PDE7A: variants seen among roughly 807,000 people sequenced by gnomAD.
The protein encoded by PDE7A is phosphodiesterase 7A.
Under a neutral mutation model 64.3 loss-of-function variants are expected in PDE7A, and 39 were observed. The observed-to-expected ratio is 0.61, with a 90% CI of 0.47 to 0.79. PDE7A has a LOEUF of 0.79. Ranked by LOEUF, PDE7A falls within the 30% of genes least tolerant of loss-of-function variation. The pLI is 0.00. For missense variants in PDE7A, 470 were observed against 582.8 expected, an observed-to-expected ratio of 0.81 and a Z score of 1.99; for synonymous variants, 203 against 206.8, an observed-to-expected ratio of 0.98 and a Z score of 0.16.
rs144083838 is a variant in PDE7A at position 65,812,507 on chromosome 8, A to C, written c.138+28864T>G. Among the ~76,000 whole-genome samples the C allele has an allele frequency of 2.4e-4, 37 of 152,304 alleles. No individual in the cohort carries two copies. In the East Asian group the frequency reaches 6.6e-3, roughly 27 times the overall value. On this transcript the variant is annotated intron_variant, in intron 1 of 12. Transcript: ENST00000401827. Reference sequence around the variant, plus strand: ...ACACAACAATGGAAGTATTATCTTGAAGTAGTAAGGAGAATATTCTAAGCA... The same window carrying C: ...ACACAACAATGGAAGTATTATCTTGCAGTAGTAAGGAGAATATTCTAAGCA...
At chr8:65,835,960 T>C (rs947407947) in intron 1 of PDE7A, among the ~76,000 whole-genome samples, 1 of 152,214 alleles carries the variant, frequency 6.6e-6, no homozygotes, top group Non-Finnish European at 1.5e-5. Context: ...TGAGCATGTA[T>C]CTGAAATATA....
intron 1 of PDE7A, among the ~76,000 whole-genome samples, chr8:65,784,362 G>A (rs1563506378): frequency 6.6e-6 from 1 of 152,132 alleles, no homozygotes; most frequent in African/African-American, 2.4e-5. Flanking sequence ...ATCTGTGGAG[G>A]AAATACTGAT....
intron 1 of PDE7A, among the ~76,000 whole-genome samples, chr8:65,814,157 A>T (rs1259441004): frequency 2.0e-5 from 3 of 152,204 alleles, no homozygotes; most frequent in African/African-American, 7.2e-5. Flanking sequence ...TTATACTGAT[A>T]TAAAGATGTG....
chr8:65,801,243 A>G (rs1175396801), intron 1 of PDE7A, among the ~76,000 whole-genome samples: 7 of 152,326 alleles, frequency 4.6e-5, no homozygotes, highest in African/African-American at 2.4e-5. Context: ...AAAGTCTCTA[A>G]GAATACTTCC....
In PDE7A at chr8:65,799,310, T is replaced by G. The variant is rs187546310; in HGVS notation, c.139-16467A>C. On this transcript the variant is annotated intron_variant, in intron 1 of 12. Coordinates refer to ENST00000401827, the MANE Select transcript of PDE7A (RefSeq NM_001242318.3). ...AAATTTAGCATAATTACTAATAGAA[T>G]TTAAAGTTAAATTGGGAGCAACAAG... is the stretch of plus-strand genomic sequence containing the variant. Among the ~76,000 whole-genome samples the G allele has an allele frequency of 4.8e-3, 724 of 151,940 alleles. 7 individuals carry two copies. Among genetic ancestry groups the G allele is most frequent in the Non-Finnish European group, 7.8e-3 (533 of 67,976 alleles).
At chr8:65,731,986 A>ATTATTG (rs1057343677) in intron 7 of PDE7A, among the ~76,000 whole-genome samples, 5 of 138,666 alleles carry the variant, frequency 3.6e-5, no homozygotes, top group African/African-American at 5.5e-5. Context: ...TATTATTATT[A>ATTATTG]TTGTTGTTGT....
At chr8:65,832,198 A>G (rs78969721) in intron 1 of PDE7A, among the ~76,000 whole-genome samples, 8,739 of 152,288 alleles carry the variant, frequency 0.057, 361 homozygotes, top group Middle Eastern at 0.11. Context: ...AAATAATACT[A>G]GAATCCATTG....
At chr8:65,738,631 C>T (rs76878689) in intron 6 of PDE7A, among the ~76,000 whole-genome samples, 2,976 of 152,120 alleles carry the variant, frequency 0.02, 29 homozygotes, top group African/African-American at 0.024. Flanking sequence ...GGGGTATTTG[C>T]CATGTTGGCC....
chr8:65,809,535 T>C (rs2128929430), intron 1 of PDE7A, among the ~76,000 whole-genome samples: 1 of 152,172 alleles, frequency 6.6e-6, no homozygotes, highest in South Asian at 2.1e-4. Context: ...AATATTGCTG[T>C]AAAAGAAACT....
intron 3 of PDE7A, among the ~76,000 whole-genome samples, chr8:65,760,562 A>T (rs1242853353): frequency 6.6e-6 from 1 of 152,190 alleles, no homozygotes. Context: ...AGATTTCCAG[A>T]ACTGTCCTAG....
intron 12 of PDE7A, chr8:65,723,166 T>G (rs1806456526): frequency 6.4e-6 from 1 of 155,128 alleles, no homozygotes. Flanking sequence ...TCAGGCTCAG[T>G]GGGTCACCAC....
chr8:65,745,808 A>C (rs1053584258), intron 4 of PDE7A, among the ~76,000 whole-genome samples: 27 of 152,356 alleles, frequency 1.8e-4, no homozygotes, highest in African/African-American at 6.5e-4. Flanking sequence ...TATGGTTTAG[A>C]AACTAAATTG....
chr8:65,839,660 T>C (rs778969113), intron 1 of PDE7A, among the ~76,000 whole-genome samples: 2 of 152,210 alleles, frequency 1.3e-5, no homozygotes, highest in East Asian at 1.9e-4. Flanking sequence ...TAGCAAAATA[T>C]GGTGTAATTC....
intron 3 of PDE7A, among the ~76,000 whole-genome samples, chr8:65,748,921 TTCTG>T (rs1240018773): frequency 3.9e-5 from 6 of 152,228 alleles, no homozygotes; most frequent in Non-Finnish European, 8.8e-5. Flanking sequence ...TTATCAGAAA[TTCTG>T]AATCTGCTCA....
chr8:65,755,265 C>T lies in PDE7A; in HGVS notation c.284-7462G>A, dbSNP rs549253042. On this transcript the variant is annotated intron_variant, in intron 3 of 12. Coordinates refer to ENST00000401827, the MANE Select transcript of PDE7A (RefSeq NM_001242318.3). ...TGAACTCCTGAACTCAGGGGATCCA[C>T]CCGCCTCAGCCTCCCAAAGTGCTGG... Among the ~76,000 whole-genome samples, 14 of 152,248 alleles carry T rather than the reference C, an allele frequency of 9.2e-5. No homozygotes were observed. The South Asian group carries it at 2.9e-3, about 32-fold the overall frequency.
At chr8:65,802,456 T>C (rs775770278) in intron 1 of PDE7A, among the ~76,000 whole-genome samples, 28 of 152,224 alleles carry the variant, frequency 1.8e-4, no homozygotes, top group South Asian at 4.1e-4. Flanking sequence ...GCTCTTAAAA[T>C]TGGACCAGGG....
chr8:65,789,473 T>C (rs1039999539), intron 1 of PDE7A, among the ~76,000 whole-genome samples: 1 of 152,264 alleles, frequency 6.6e-6, no homozygotes, highest in South Asian at 2.1e-4. Context: ...CAACTTTTTA[T>C]TTCTTTTAGG....
chr8:65,786,417 C>T (rs746756359), intron 1 of PDE7A, among the ~76,000 whole-genome samples: 7 of 152,100 alleles, frequency 4.6e-5, no homozygotes, highest in Admixed American at 4.6e-4. Context: ...ATATTAAGTT[C>T]TCTCACTAGG....
rs1024763837 is a variant in PDE7A at position 65,817,942 on chromosome 8, T to C, written c.138+23429A>G. Among the ~76,000 whole-genome samples the C allele has an allele frequency of 3.3e-5, 5 of 152,040 alleles. No homozygotes were observed. In the South Asian group the frequency reaches 1.0e-3, roughly 32 times the overall value. ...TAATTTTTTGTATTTTTAGTAGAGA[T>C]GGGGTTTCACCGTGTTAGCCAAGAT... On this transcript the variant is annotated intron_variant, in intron 1 of 12. Transcript: ENST00000401827.
Sources: gnomAD v4.1 joint callset for allele counts (sites outside exome capture counted in the v4.1 genomes callset) on GRCh38, gnomAD v4.1.1 for gene constraint, MANE v1.5 for transcripts, NCBI Gene and HGNC (gene_info 2026-07-23, HGNC 2026-07-21) for gene names.